The following BAHCC1 variants were observed in gnomAD, a reference collection of about 807,000 sequenced individuals.
BAHCC1 encodes BAH domain and coiled-coil containing 1.
In BAHCC1, 43 loss-of-function variants were observed where a neutral mutation model predicts 88.2. That is an observed-to-expected ratio of 0.49 (90% CI 0.38 to 0.63). The LOEUF (loss-of-function observed/expected upper bound fraction) is 0.63, where lower values mean the gene tolerates loss of function less well. Ranked by LOEUF, BAHCC1 falls within the 20% of genes least tolerant of loss-of-function variation. BAHCC1 has a pLI of 0.00. For synonymous variants in BAHCC1, 1,510 were observed against 745.5 expected, an observed-to-expected ratio of 2.03 and a Z score of -16.71; for missense variants, 3,023 against 1,654.8, an observed-to-expected ratio of 1.83 and a Z score of -14.34.
At chr17:81,421,287 G>A (rs534047128) in intron 2 of BAHCC1, among the ~76,000 whole-genome samples, 3 of 152,254 alleles carry the variant, frequency 2.0e-5, no homozygotes, top group African/African-American at 2.4e-5. Flanking sequence ...GGCTACACTC[G>A]GCTCCCAGGC....
At chr17:81,447,002 C>T (rs1555654572) in intron 10 of BAHCC1, 34 bp from the exon 11 acceptor site, 1 of 777,346 alleles carries the variant, frequency 1.3e-6, no homozygotes, top group Admixed American at 1.7e-5. Context: ...ACCACCACTC[C>T]CAGCTCCCTG....
rs1472045414 is a variant in BAHCC1 at position 81,464,781 on chromosome 17, T to A, written c.*964T>A. On this transcript the variant is annotated 3_prime_UTR_variant, in exon 28 of 28. Transcript: ENST00000675386. ...CCAGTTGGTCTGAGGCCAAGGAGTC[T>A]GGCCTCCACCCAGAGCAGGGAGGGG... is the stretch of plus-strand genomic sequence containing the variant. The A allele has an allele frequency of 1.3e-5, 2 of 152,492 alleles. No individual in the cohort carries two copies. The highest frequency in any genetic ancestry group is 4.8e-5 in the African/African-American group (2 of 41,464). 9.4% of individuals were successfully genotyped at this position (152,492 alleles called of 1,614,324 possible).
intron 4 of BAHCC1, among the ~76,000 whole-genome samples, chr17:81,441,611 G>A (rs1555652520): frequency 4.1e-5 from 6 of 148,090 alleles, no homozygotes; most frequent in South Asian, 2.1e-4. Flanking sequence ...GCAGTGAGCC[G>A]AGGTCACGCC....
chr17:81,453,166 CT>C (rs2064676914), intron 14 of BAHCC1, among the ~76,000 whole-genome samples: 1 of 152,244 alleles, frequency 6.6e-6, no homozygotes, highest in Admixed American at 6.5e-5. Flanking sequence ...CCCGGCCCCC[CT>C]GGAGTGTGAG....
At chr17:81,407,641 C>A (rs1257678599) in intron 2 of BAHCC1, among the ~76,000 whole-genome samples, 2 of 152,228 alleles carry the variant, frequency 1.3e-5, no homozygotes, top group Admixed American at 1.3e-4. Flanking sequence ...ACAGACATTG[C>A]CGCCTGGCAG....
At chr17:81,400,343 G>A (rs1423634568) in intron 2 of BAHCC1, among the ~76,000 whole-genome samples, 1 of 152,224 alleles carries the variant, frequency 6.6e-6, no homozygotes, top group East Asian at 1.9e-4. Flanking sequence ...GGGGACCAGG[G>A]TACGCCGCGG....
chr17:81,397,094 C>T (rs2063753443), intron 1 of BAHCC1: 1 of 152,194 alleles, frequency 6.6e-6, no homozygotes, highest in Non-Finnish European at 1.5e-5. Flanking sequence ...CTCAGGCTCC[C>T]CAGGCCCCCG....
In BAHCC1 at chr17:81,400,695, T is replaced by G. The variant is rs1475486070; in HGVS notation, c.178+778T>G. 2.0e-5 allele frequency: 3 copies of G among 153,526 alleles called. No homozygotes were observed. The Admixed American group carries it at 2.0e-4, about 10-fold the overall frequency. 9.5% of individuals were successfully genotyped at this position (153,526 alleles called of 1,614,324 possible). A position where few individuals can be genotyped will look rare whatever the true frequency, so the allele number is the denominator to read the frequency against. ...GCGGATTTGCTCCAAGAGGAGAGCG[T>G]GGGGCGCCGTGCTGGGCCTCGCAGG... On this transcript the variant is annotated intron_variant, in intron 2 of 27. Transcript: ENST00000675386.
chr17:81,407,781 C>G (rs2063899367), intron 2 of BAHCC1, among the ~76,000 whole-genome samples: 1 of 152,226 alleles, frequency 6.6e-6, no homozygotes, highest in East Asian at 1.9e-4. Flanking sequence ...GCTGCTCACA[C>G]TCACAGATGT....
At chr17:81,398,578 TGA>T (rs1286154094) in intron 1 of BAHCC1, among the ~76,000 whole-genome samples, 15 of 150,458 alleles carry the variant, frequency 1.0e-4, no homozygotes, top group African/African-American at 3.7e-4. Flanking sequence ...TTTGGGCCGT[TGA>T]GAGAGAGCAT....
intron 2 of BAHCC1, among the ~76,000 whole-genome samples, chr17:81,422,130 G>A (rs2064123680): frequency 6.6e-6 from 1 of 152,112 alleles, no homozygotes; most frequent in South Asian, 2.1e-4. Context: ...TCCCGCCTCA[G>A]CCTCCCAAAT....
Position 81,460,858 on chromosome 17 carries a change from G to A in BAHCC1, c.6203-8G>A, listed in dbSNP as rs781809454. On this transcript the variant is annotated splice_polypyrimidine_tract_variant and splice_region_variant and intron_variant, in intron 25 of 27. Transcript: ENST00000675386. ...CTGGGGCTGACTCTGCTGGGCTTTT[G>A]CCCTCAGGTAAAGCCGAACTCCTAA... 1 of 766,490 alleles carries A rather than the reference G, an allele frequency of 1.3e-6. No homozygotes were observed. Among genetic ancestry groups the A allele is most frequent in the South Asian group, 1.3e-5 (1 of 74,626 alleles). 47.5% of individuals were successfully genotyped at this position (766,490 alleles called of 1,614,324 possible).
At chr17:81,405,149 C>T (rs1367070918) in intron 2 of BAHCC1, among the ~76,000 whole-genome samples, 1 of 152,182 alleles carries the variant, frequency 6.6e-6, no homozygotes, top group Non-Finnish European at 1.5e-5. Flanking sequence ...CTCACTGCAA[C>T]CTCTGCCTCC....
intron 2 of BAHCC1, among the ~76,000 whole-genome samples, chr17:81,425,238 GGGGGTGATA>G (rs1555650208): frequency 0.011 from 919 of 85,602 alleles, 2 homozygotes; most frequent in Middle Eastern, 0.022. Flanking sequence ...TGATGTGGTT[GGGGGTGATA>G]GTGGTGATGA....
At position 81,461,590 on chromosome 17, in the gene BAHCC1, C is replaced by A. The variant is rs541582921; in HGVS notation, c.6927C>A (p.Arg2309=). 1.4e-6 allele frequency: 1 copy of A among 721,014 alleles called. No homozygotes were observed. Among genetic ancestry groups the A allele is most frequent in the South Asian group, 1.5e-5 (1 of 67,610 alleles). The allele number at this position is 721,014 out of a possible 1,614,324, so 44.7% of individuals were successfully genotyped here. The change falls in exon 26 of 28, where the codon CGC becomes CGA. Residue 2309 remains arginine, a synonymous_variant. Transcript: ENST00000675386. ...GPGLAAGVPS[R]FLARLSVSSS... is the part of the protein sequence containing the mutation. ...GGCTGGCGGCCGGCGTGCCCTCCCG[C>A]TTCCTCGCCCGCCTGTCCGTGTCCT...
intron 2 of BAHCC1, among the ~76,000 whole-genome samples, chr17:81,415,125 G>A (rs1333011085): frequency 1.3e-5 from 2 of 152,214 alleles, no homozygotes; most frequent in Middle Eastern, 3.2e-3. Flanking sequence ...ACGGGCCCGG[G>A]CGAGGGAGCT....
At chr17:81,457,669 G>A (rs1316760851) in intron 17 of BAHCC1, 77 bp downstream of exon 17, 1 of 627,038 alleles carries the variant, frequency 1.6e-6, no homozygotes. Context: ...AGGAGGGAGG[G>A]CAGGGGTTGC....
chr17:81,418,813 G>GTGTGTA (rs1568003467), intron 2 of BAHCC1, among the ~76,000 whole-genome samples: 1 of 140,274 alleles, frequency 7.1e-6, no homozygotes, highest in Admixed American at 6.9e-5. Flanking sequence ...GTGTGTACGT[G>GTGTGTA]TGTGTGTGTG....
At chr17:81,408,124 C>G (rs1218567580) in intron 2 of BAHCC1, among the ~76,000 whole-genome samples, 1 of 152,228 alleles carries the variant, frequency 6.6e-6, no homozygotes, top group Admixed American at 6.5e-5. Flanking sequence ...ACCGTGTCCT[C>G]GGGCTCCAGC....
Sources: gnomAD v4.1 joint callset for allele counts (sites outside exome capture counted in the v4.1 genomes callset) on GRCh38, gnomAD v4.1.1 for gene constraint, MANE v1.5 for transcripts, NCBI Gene and HGNC (gene_info 2026-07-23, HGNC 2026-07-21) for gene names.